TNS1: variants seen among roughly 807,000 people sequenced by gnomAD.
TNS1 encodes the protein tensin 1, also known as tensin-1.
TNS1 carries 62 observed loss-of-function variants against 168.6 expected under a neutral mutation model. The observed-to-expected ratio is 0.37, with a 90% CI of 0.30 to 0.45. The LOEUF is 0.45. TNS1 is among the 20% of genes least tolerant of loss of function. The pLI is 1.00. For missense variants in TNS1, 2,240 were observed against 2,339.4 expected, an observed-to-expected ratio of 0.96 and a Z score of 0.88; for synonymous variants, 934 against 933.2, an observed-to-expected ratio of 1.00 and a Z score of -0.02.
intron 8 of TNS1, among the ~76,000 whole-genome samples, chr2:217,896,457 G>A (rs2125728154): frequency 6.6e-6 from 1 of 152,332 alleles, no homozygotes. Flanking sequence ...GAGAGACACT[G>A]AAGAAGGCCA....
Position 217,853,708 on chromosome 2 carries a change from G to A in TNS1, c.1430-4621C>T, listed in dbSNP as rs193139028. On this transcript the variant is annotated intron_variant, in intron 18 of 32. Transcript: ENST00000682258. The stretch of plus-strand genomic sequence containing the variant: ...GCAGAGAGTTCCAGACTCCACCCTC[G>A]ATGCTGAGCTTGATTGCACCACGGG... Among the ~76,000 whole-genome samples, 4 of 152,250 alleles carry A rather than the reference G, an allele frequency of 2.6e-5. No homozygotes were observed. In the East Asian group the frequency reaches 7.7e-4, roughly 29 times the overall value.
chr2:217,903,663 CCAGA>C (rs1325032905), intron 6 of TNS1: 12 of 1,446,158 alleles, frequency 8.3e-6, no homozygotes, highest in Admixed American at 4.0e-5. Flanking sequence ...CGACAGCCTC[CCAGA>C]CAGAGTGTCT....
At chr2:217,979,065 A>C in intron 2 of TNS1, 2 of 405,448 alleles carry the variant, frequency 4.9e-6, no homozygotes. Flanking sequence ...GGGTGCGGGA[A>C]GGTGGGGGGA....
intron 1 of TNS1, among the ~76,000 whole-genome samples, chr2:218,024,723 T>C (rs570057777): frequency 1.1e-4 from 17 of 152,228 alleles, no homozygotes; most frequent in African/African-American, 4.1e-4. Context: ...CATCCTCCCG[T>C]AGCATGAGCT....
chr2:217,838,647 AG>A (rs1262112992), intron 19 of TNS1, among the ~76,000 whole-genome samples: 2 of 152,244 alleles, frequency 1.3e-5, no homozygotes, highest in Non-Finnish European at 2.9e-5. Flanking sequence ...ATGGCCAGTC[AG>A]GGCCACTCAC....
chr2:217,882,786 C>T lies in TNS1; in HGVS notation c.1247-375G>A, dbSNP rs565032476. ...TTGAGATGGAGTCTCGCTCTGTCGC[C>T]CAGCCTGGAGTGCATATTTATATTT... is the stretch of plus-strand genomic sequence containing the variant. On this transcript the variant is annotated intron_variant, in intron 16 of 32. Coordinates refer to ENST00000682258, the MANE Select transcript of TNS1 (RefSeq NM_001387777.1). Among the ~76,000 whole-genome samples the T allele has an allele frequency of 3.3e-5, 5 of 151,954 alleles. No individual in the cohort carries two copies. In the South Asian group the frequency reaches 1.0e-3, roughly 32 times the overall value.
In TNS1 at chr2:217,818,682, G is replaced by A. The variant is rs1269328427; in HGVS notation, c.3650C>T (p.Ser1217Phe). The change falls in exon 24 of 33, where the codon TCT (serine) becomes TTT (phenylalanine). Residue 1217 changes from serine (S) to phenylalanine (F), a missense_variant. Physicochemically the swap from Ser to Phe is radical, Grantham distance 155. This residue lies in a region of TNS1 where 2,131 missense variants were observed against 2,171.2 expected (regional missense o/e 0.98). Transcript: ENST00000682258. Reference sequence around the variant, plus strand: ...TCCCAGGCTGCCTGAGCGGAAGCCAGACTCCAACAGAGGCTGGGTGGGCGT... The same window carrying A: ...TCCCAGGCTGCCTGAGCGGAAGCCAAACTCCAACAGAGGCTGGGTGGGCGT... ...PRTPTQPLLE[S>F]GFRSGSLGQP... 1.2e-6 allele frequency: 2 copies of A among 1,614,228 alleles called. No individual in the cohort carries two copies. The highest frequency in any genetic ancestry group is 1.7e-6 in the Non-Finnish European group (2 of 1,180,036).
intron 3 of TNS1, among the ~76,000 whole-genome samples, chr2:217,942,916 C>A (rs1956988850): frequency 6.6e-6 from 1 of 152,172 alleles, no homozygotes; most frequent in South Asian, 2.1e-4. Context: ...ACCCAGTTTC[C>A]TCTTCTAGAA....
chr2:217,885,259 A>C, intron 15 of TNS1, 95 bp from the exon 16 acceptor site: 1 of 1,543,028 alleles, frequency 6.5e-7, no homozygotes, highest in Non-Finnish European at 8.8e-7. Context: ...CTGAGCCCCC[A>C]AGGCTCACCC....
chr2:217,951,372 TAGTG>T (rs1957236918), intron 3 of TNS1, among the ~76,000 whole-genome samples: 1 of 152,232 alleles, frequency 6.6e-6, no homozygotes, highest in Admixed American at 6.5e-5. Flanking sequence ...TGCTCAGATT[TAGTG>T]AGTGTTTCCC....
At chr2:217,922,249 G>A (rs1263917479) in intron 3 of TNS1, among the ~76,000 whole-genome samples, 1 of 152,178 alleles carries the variant, frequency 6.6e-6, no homozygotes, top group Non-Finnish European at 1.5e-5. Context: ...TCTCAGCTAC[G>A]GGGGACACTG....
Position 217,948,437 on chromosome 2 carries a change from T to C in TNS1, c.187-28201A>G, listed in dbSNP as rs1411012971. On this transcript the variant is annotated intron_variant, in intron 3 of 32. Transcript: ENST00000682258. This position sits in a 1 kb window ranked among gnomAD's most constrained non-coding sequence, Gnocchi z 4.1. The stretch of plus-strand genomic sequence containing the variant: ...TGGGGCAGAGGCTATTCTGGGCCTC[T>C]GAATCCTGCTAGGCCCAACACACCC... 1.3e-5 allele frequency among the ~76,000 whole-genome samples: 2 copies of C among 152,134 alleles called. No homozygotes were observed. Among genetic ancestry groups the C allele is most frequent in the African/African-American group, 4.8e-5 (2 of 41,422 alleles).
At chr2:217,860,023 A>G (rs1240074573) in intron 18 of TNS1, among the ~76,000 whole-genome samples, 1 of 152,222 alleles carries the variant, frequency 6.6e-6, no homozygotes, top group African/African-American at 2.4e-5. Context: ...TGGTGTCTCC[A>G]TGCAGAGGGC....
intron 19 of TNS1, among the ~76,000 whole-genome samples, chr2:217,838,268 G>A (rs981375366): frequency 2.0e-5 from 3 of 152,194 alleles, no homozygotes; most frequent in Non-Finnish European, 4.4e-5. Context: ...TTGAGGCACC[G>A]AATCTCCTGG....
chr2:217,996,396 G>C (rs148435036), intron 1 of TNS1, among the ~76,000 whole-genome samples: 30 of 152,252 alleles, frequency 2.0e-4, no homozygotes, highest in Middle Eastern at 6.8e-3. Flanking sequence ...TTTATGTGGG[G>C]AAGGCTCAGA....
intron 3 of TNS1, among the ~76,000 whole-genome samples, chr2:217,974,760 G>A (rs1213405551): frequency 6.6e-6 from 1 of 152,186 alleles, no homozygotes; most frequent in Non-Finnish European, 1.5e-5. Context: ...CTAGAAGGCA[G>A]CAGGGGTAGA....
chr2:217,809,568 GATGGATGGATAGGTGC>G (rs1441576561), intron 30 of TNS1: 3,704 of 307,242 alleles, frequency 0.012, 959 homozygotes, highest in Middle Eastern at 0.024. Flanking sequence ...TGGATGGATG[GATGGATGGATAGGTGC>G]ATGGATGGAT....
At chr2:217,842,499 C>G (rs1365763762) in intron 19 of TNS1, among the ~76,000 whole-genome samples, 1 of 152,122 alleles carries the variant, frequency 6.6e-6, no homozygotes, top group Non-Finnish European at 1.5e-5. Flanking sequence ...ATCTTGTTGG[C>G]TCTACCTCCA....
chr2:217,826,250 G>A (rs1407839928), intron 22 of TNS1, among the ~76,000 whole-genome samples: 1 of 152,172 alleles, frequency 6.6e-6, no homozygotes, highest in Admixed American at 6.5e-5. Context: ...TTGATTTCCT[G>A]AGTTCATCTC....
Sources: allele counts gnomAD v4.1 joint callset (sites outside exome capture counted in the v4.1 genomes callset), GRCh38; gene constraint gnomAD v4.1.1; regional missense constraint gnomAD v4.1.1; non-coding constraint Gnocchi (gnomAD v3.1); transcripts MANE v1.5; gene names NCBI Gene and HGNC (gene_info 2026-07-23, HGNC 2026-07-21).